PDE4D: variants seen among roughly 807,000 people sequenced by gnomAD.
PDE4D encodes the protein 3',5'-cyclic-AMP phosphodiesterase 4D.
PDE4D carries 24 observed loss-of-function variants against 87.4 expected under a neutral mutation model. That is an observed-to-expected ratio of 0.27 (90% CI 0.20 to 0.39). PDE4D has a LOEUF of 0.39. Among genes scored for constraint, PDE4D ranks in the 10% least tolerant of loss-of-function variants. The probability of loss-of-function intolerance (pLI) is 1.00; values close to 1 mark genes in which losing one functional copy is unlikely to be tolerated. For missense variants in PDE4D, 714 were observed against 1,041.0 expected, an observed-to-expected ratio of 0.69 and a Z score of 4.32; for synonymous variants, 384 against 383.2, an observed-to-expected ratio of 1.00 and a Z score of -0.02.
At chr5:59,793,062 C>T (rs573440664) in intron 1 of PDE4D, among the ~76,000 whole-genome samples, 2 of 152,188 alleles carry the variant, frequency 1.3e-5, no homozygotes, top group East Asian at 1.9e-4. Context: ...ATGGAATGTC[C>T]GATAGGTAGG....
intron 1 of PDE4D, among the ~76,000 whole-genome samples, chr5:59,251,678 A>G (rs60453299): frequency 0.07 from 10,686 of 152,236 alleles, 465 homozygotes; most frequent in Non-Finnish European, 0.098. Context: ...ATTACTGGGC[A>G]TATTCCCAGA....
chr5:59,888,491 A>G (rs1750486137), intron 1 of PDE4D, among the ~76,000 whole-genome samples: 1 of 152,254 alleles, frequency 6.6e-6, no homozygotes, highest in Non-Finnish European at 1.5e-5. Context: ...AAAAAATTAA[A>G]AAGTCTAATA....
At chr5:59,140,847 T>C (rs1056679929) in intron 5 of PDE4D, among the ~76,000 whole-genome samples, 1 of 151,822 alleles carries the variant, frequency 6.6e-6, no homozygotes, top group African/African-American at 2.4e-5. Context: ...GTTAACAATG[T>C]TACATCTTAG....
chr5:59,013,225 T>C (rs889207326), intron 6 of PDE4D, among the ~76,000 whole-genome samples: 1 of 151,858 alleles, frequency 6.6e-6, no homozygotes, highest in African/African-American at 2.4e-5. Flanking sequence ...CACCCTAACA[T>C]CACAATTAAA....
chr5:59,246,510 C>T (rs1019585967), intron 1 of PDE4D, among the ~76,000 whole-genome samples: 2 of 152,078 alleles, frequency 1.3e-5, no homozygotes, highest in Middle Eastern at 3.2e-3. Flanking sequence ...TTAATAATAG[C>T]AGTGTCATTG....
chr5:59,656,380 C>CAAGGACACTCATCCAAATCTCTCTTAAT, intron 1 of PDE4D, among the ~76,000 whole-genome samples: 2 of 152,310 alleles, frequency 1.3e-5, no homozygotes, highest in Admixed American at 1.3e-4. Flanking sequence ...AGTTATGTGA[C>CAAGGACACTCATCCAAATCTCTCTTAAT]AAGGACACTC....
At position 59,731,923 on chromosome 5, in the gene PDE4D, T is replaced by C. The variant is rs556085827; in HGVS notation, c.455+161245A>G. Among the ~76,000 whole-genome samples the C allele has an allele frequency of 4.6e-5, 7 of 152,324 alleles. 1 individual carries two copies. The highest frequency in any genetic ancestry group is 1.7e-4 in the African/African-American group (7 of 41,576). ...GCATTATAACTGAATGTTGTTCTTG[T>C]ATTTCATGGACACCAGTTGTCATGC... On this transcript the variant is annotated intron_variant, in intron 1 of 14. Transcript: ENST00000340635.
chr5:59,654,026 TG>T (rs1336059570), intron 1 of PDE4D, among the ~76,000 whole-genome samples: 1 of 152,020 alleles, frequency 6.6e-6, no homozygotes, highest in Non-Finnish European at 1.5e-5. Flanking sequence ...CACAACCTGG[TG>T]GAACACCGTC....
intron 1 of PDE4D, among the ~76,000 whole-genome samples, chr5:59,543,528 T>C (rs188544507): frequency 6.6e-6 from 1 of 151,886 alleles, no homozygotes; most frequent in East Asian, 1.9e-4. Flanking sequence ...CTTGAGGGGG[T>C]AAAAAGGTGA....
intron 1 of PDE4D, among the ~76,000 whole-genome samples, chr5:59,869,596 C>T (rs1370362450): frequency 2.0e-5 from 3 of 152,180 alleles, no homozygotes; most frequent in East Asian, 1.9e-4. Context: ...GCATGTTTAC[C>T]GGATGCAAGA....
chr5:59,545,157 T>C (rs1413929712), intron 1 of PDE4D, among the ~76,000 whole-genome samples: 1 of 152,170 alleles, frequency 6.6e-6, no homozygotes, highest in Non-Finnish European at 1.5e-5. Context: ...TATTTGCCAG[T>C]CTTCCTTAAA....
chr5:59,112,607 T>C (rs1487996379), intron 5 of PDE4D, among the ~76,000 whole-genome samples: 3 of 152,070 alleles, frequency 2.0e-5, no homozygotes, highest in Admixed American at 2.0e-4. Context: ...ATGTATTAGA[T>C]ACGAGATGTT....
intron 1 of PDE4D, among the ~76,000 whole-genome samples, chr5:59,515,541 G>T (rs1811008655): frequency 1.3e-5 from 2 of 152,120 alleles, no homozygotes; most frequent in South Asian, 4.1e-4. Flanking sequence ...TGTCTACAAA[G>T]AATACCTAAA....
chr5:60,272,043 A>G (rs1438179405), intron 1 of PDE4D, among the ~76,000 whole-genome samples: 1 of 152,214 alleles, frequency 6.6e-6, no homozygotes, highest in African/African-American at 2.4e-5. Context: ...CTCCCAAGAT[A>G]AGCCTAGAGA....
intron 1 of PDE4D, among the ~76,000 whole-genome samples, chr5:59,464,679 T>C (rs1368293194): frequency 1.3e-5 from 2 of 152,292 alleles, no homozygotes; most frequent in South Asian, 2.1e-4. Context: ...TGTCTCTGTG[T>C]CTTTTTCTTT....
chr5:59,748,688 T>G, intron 1 of PDE4D, among the ~76,000 whole-genome samples: 1 of 150,570 alleles, frequency 6.6e-6, no homozygotes. Flanking sequence ...CATTAGGAGA[T>G]ATACCTAATG....
At position 59,030,114 on chromosome 5, in the gene PDE4D, C is replaced by T. The variant is rs1024747571; in HGVS notation, c.921+8745G>A. On this transcript the variant is annotated intron_variant, in intron 6 of 14. Transcript: ENST00000340635. ...AAAATATAAGGGAAAATCTCCACAA[C>T]AATGGTCTGGGCAATGATTTCTTGG... Among the ~76,000 whole-genome samples, 10 of 152,056 alleles carry T rather than the reference C, an allele frequency of 6.6e-5. No individual in the cohort carries two copies. In the South Asian group the frequency reaches 2.1e-3, roughly 32 times the overall value.
rs16889521 is a variant in PDE4D at position 59,275,967 on chromosome 5, T to C, written c.456-59999A>G. 6,940 of 985,066 alleles carry C rather than the reference T, an allele frequency of 7.0e-3. 382 individuals are homozygous for C. In the African/African-American group the frequency reaches 0.11, roughly 16 times the overall value. The allele number at this position is 985,066 out of a possible 1,614,324, so 61.0% of individuals were successfully genotyped here. A position where few individuals can be genotyped will look rare whatever the true frequency, so the allele number is the denominator to read the frequency against. On this transcript the variant is annotated intron_variant, in intron 1 of 14. Transcript: ENST00000340635. ...CCACACTTTGGCTGGGTGGGCTGAT[T>C]TACCTGCGAAAGTAATTTCTGTGTG...
intron 3 of PDE4D, among the ~76,000 whole-genome samples, chr5:59,979,364 TA>T (rs1474077153): frequency 1.2e-5 from 1 of 85,000 alleles, no homozygotes; most frequent in African/African-American, 2.8e-5. Flanking sequence ...ATTACATATT[TA>T]AAAAACAAGT....
Sources: gnomAD v4.1 joint callset for allele counts (sites outside exome capture counted in the v4.1 genomes callset) on GRCh38, gnomAD v4.1.1 for gene constraint, MANE v1.5 for transcripts, NCBI Gene and HGNC (gene_info 2026-07-23, HGNC 2026-07-21) for gene names.